Variants in CMTM4 observed in about 807,000 individuals in gnomAD.
CMTM4 encodes CKLF-like MARVEL transmembrane domain-containing protein 4.
A neutral mutation model predicts 19.0 loss-of-function variants in CMTM4; 8 were observed. The observed-to-expected ratio is 0.42, with a 90% CI of 0.25 to 0.76. The LOEUF (loss-of-function observed/expected upper bound fraction) is 0.76, where lower values mean the gene tolerates loss of function less well. CMTM4 is among the 30% of genes least tolerant of loss of function. CMTM4 has a pLI of 0.27. For synonymous variants in CMTM4, 106 were observed against 121.1 expected, an observed-to-expected ratio of 0.88 and a Z score of 0.82; for missense variants, 228 against 290.2, an observed-to-expected ratio of 0.79 and a Z score of 1.56.
At chr16:66,652,090 G>GA (rs2016321379) in intron 1 of CMTM4, among the ~76,000 whole-genome samples, 1 of 152,338 alleles carries the variant, frequency 6.6e-6, no homozygotes, top group Non-Finnish European at 1.5e-5. Context: ...CTGGCCAGCA[G>GA]GACTAATTAG....
chr16:66,658,564 G>A (rs1268528221), intron 1 of CMTM4, among the ~76,000 whole-genome samples: 1 of 152,000 alleles, frequency 6.6e-6, no homozygotes, highest in Non-Finnish European at 1.5e-5. Context: ...TTCATCCAGG[G>A]ATCCTTTCAA....
chr16:66,617,925 G>A lies in CMTM4; in HGVS notation c.*4133C>T, dbSNP rs770022954. On this transcript the variant is annotated 3_prime_UTR_variant, in exon 4 of 4. Coordinates refer to ENST00000394106, the MANE Select transcript of CMTM4 (RefSeq NM_181521.3). ...CTTTCAAAGACAAGAGGACAGGAAG[G>A]CAGTTAACAAAGTACACGTTTCCAA... 4.1e-6 allele frequency: 4 copies of A among 987,478 alleles called. No homozygotes were observed. The highest frequency in any genetic ancestry group is 4.8e-6 in the Non-Finnish European group (4 of 831,368). 61.2% of individuals were successfully genotyped at this position (987,478 alleles called of 1,614,324 possible).
intron 1 of CMTM4, among the ~76,000 whole-genome samples, chr16:66,692,079 C>A (rs2017145751): frequency 6.6e-6 from 1 of 152,016 alleles, no homozygotes; most frequent in South Asian, 2.1e-4. Context: ...GTTGCTAGCA[C>A]CTGTGTGAGG....
intron 1 of CMTM4, among the ~76,000 whole-genome samples, chr16:66,690,441 T>G (rs551553024): frequency 6.6e-6 from 1 of 152,312 alleles, no homozygotes; most frequent in South Asian, 2.1e-4. Flanking sequence ...CAGCCAGTCA[T>G]TTCTCAAAGT....
intron 2 of CMTM4, among the ~76,000 whole-genome samples, chr16:66,627,093 ACT>A (rs2015756870): frequency 6.6e-6 from 1 of 152,142 alleles, no homozygotes; most frequent in South Asian, 2.1e-4. Flanking sequence ...ACAGCGTGAG[ACT>A]CTGTCTCAAA....
chr16:66,655,574 T>C (rs560350755), intron 1 of CMTM4, among the ~76,000 whole-genome samples: 2 of 150,258 alleles, frequency 1.3e-5, no homozygotes, highest in Non-Finnish European at 3.0e-5. Context: ...TGTGTTTATA[T>C]ATGTGTATAT....
chr16:66,622,247 T>C lies in CMTM4; in HGVS notation c.463-25A>G, dbSNP rs1397238022. Reference sequence around the variant, plus strand: ...TCTAAAAACACACCAGCACAGTTAGTCCTCGGGCACGTGGCCTGGCCCCTC... The same window carrying C: ...TCTAAAAACACACCAGCACAGTTAGCCCTCGGGCACGTGGCCTGGCCCCTC... On this transcript the variant is annotated intron_variant, in intron 3 of 3. Coordinates refer to ENST00000394106, the MANE Select transcript of CMTM4 (RefSeq NM_181521.3). This position sits in a 1 kb window ranked among gnomAD's most constrained non-coding sequence, Gnocchi z 4.0. 6 of 1,610,512 alleles carry C rather than the reference T, an allele frequency of 3.7e-6. No individual in the cohort carries two copies. Among genetic ancestry groups the C allele is most frequent in the Non-Finnish European group, 4.2e-6 (5 of 1,178,524 alleles).
intron 1 of CMTM4, among the ~76,000 whole-genome samples, chr16:66,664,252 T>A (rs1029834185): frequency 8.1e-5 from 12 of 148,204 alleles, no homozygotes; most frequent in African/African-American, 9.9e-5. Flanking sequence ...AAAAAAAAAA[T>A]TTCAGATAAA....
At chr16:66,669,423 CAT>C (rs1307316555) in intron 1 of CMTM4, among the ~76,000 whole-genome samples, 1 of 148,148 alleles carries the variant, frequency 6.8e-6, no homozygotes, top group Non-Finnish European at 1.5e-5. Flanking sequence ...TGCTAAAACT[CAT>C]AGTACTGTAC....
rs1007939540 is a variant in CMTM4 at position 66,615,787 on chromosome 16, C to T, written c.*6271G>A. 1 of 152,230 alleles carries T rather than the reference C, an allele frequency of 6.6e-6. No homozygotes were observed. The highest frequency in any genetic ancestry group is 2.4e-5 in the African/African-American group (1 of 41,456). 9.4% of individuals were successfully genotyped at this position (152,230 alleles called of 1,614,324 possible). On this transcript the variant is annotated 3_prime_UTR_variant, in exon 4 of 4. Coordinates refer to ENST00000394106, the MANE Select transcript of CMTM4 (RefSeq NM_181521.3). The surrounding 1 kb of genome is among the most constrained non-coding windows in gnomAD (Gnocchi z 4.9). ...CCTCTCACCATTTTACACCCAAAGA[C>T]AGGAGGTCAGGGCTCTGATGCTACT...
chr16:66,604,893 C>T, the CMTM4 span: 4 of 1,445,800 alleles, frequency 2.8e-6, no homozygotes, highest in African/African-American at 5.9e-5. Context: ...GCTCCGCGCC[C>T]TGCTGCCGGC....
At chr16:66,646,680 CCTTA>C (rs1340792646) in intron 1 of CMTM4, among the ~76,000 whole-genome samples, 1 of 151,386 alleles carries the variant, frequency 6.6e-6, no homozygotes, top group Non-Finnish European at 1.5e-5. Flanking sequence ...AAGAACCAAT[CCTTA>C]CTTGTTTTGA....
In CMTM4 at chr16:66,617,485, T is replaced by C; in HGVS notation, c.*4573A>G. The stretch of plus-strand genomic sequence containing the variant: ...GCTTCAAGCTAAAGAGTGTACAAAA[T>C]GCCACTCACTTGCATGAAGAAGAAT... On this transcript the variant is annotated 3_prime_UTR_variant, in exon 4 of 4. Transcript: ENST00000394106. 7.0e-7 allele frequency: 1 copy of C among 1,437,996 alleles called. No individual in the cohort carries two copies. Among genetic ancestry groups the C allele is most frequent in the Non-Finnish European group, 9.1e-7 (1 of 1,099,096 alleles). The allele number at this position is 1,437,996 out of a possible 1,614,324, so 89.1% of individuals were successfully genotyped here.
intron 1 of CMTM4, among the ~76,000 whole-genome samples, chr16:66,683,709 C>G (rs561030120): frequency 6.6e-6 from 1 of 151,986 alleles, no homozygotes; most frequent in South Asian, 2.1e-4. Context: ...ATGGAGCTGA[C>G]CTTCCAGCTG....
At chr16:66,646,192 T>C (rs2016192869) in intron 1 of CMTM4, among the ~76,000 whole-genome samples, 2 of 152,136 alleles carry the variant, frequency 1.3e-5, no homozygotes, top group Admixed American at 1.3e-4. Context: ...AGCATATTTG[T>C]GTTTACAAAC....
intron 1 of CMTM4, among the ~76,000 whole-genome samples, chr16:66,656,743 A>G (rs953184622): frequency 2.0e-5 from 3 of 151,938 alleles, no homozygotes; most frequent in Non-Finnish European, 2.9e-5. Flanking sequence ...TCAAATCTAC[A>G]TCATCTGCCT....
intron 1 of CMTM4, among the ~76,000 whole-genome samples, chr16:66,692,196 T>C (rs2017148117): frequency 6.6e-6 from 1 of 152,172 alleles, no homozygotes; most frequent in Non-Finnish European, 1.5e-5. Flanking sequence ...GTTCAAGCGC[T>C]TCTCCTGCCT....
At chr16:66,669,467 TAA>T (rs35876830) in intron 1 of CMTM4, among the ~76,000 whole-genome samples, 91 of 128,742 alleles carry the variant, frequency 7.1e-4, no homozygotes, top group African/African-American at 1.5e-3. Context: ...ACATGTTAAT[TAA>T]AAAAAAAAAA....
chr16:66,610,083 TG>T (rs2015319305), downstream of CMTM4: 3 of 1,561,126 alleles, frequency 1.9e-6, no homozygotes, highest in Admixed American at 5.4e-5. The surrounding 1 kb of genome is among the most constrained non-coding windows in gnomAD (Gnocchi z 4.6). Context: ...AGTTTGAGGC[TG>T]GGGTGGGATC....
Sources: gnomAD v4.1 joint callset for allele counts (sites outside exome capture counted in the v4.1 genomes callset) on GRCh38, gnomAD v4.1.1 for gene constraint, Gnocchi (gnomAD v3.1) non-coding constraint, MANE v1.5 for transcripts, NCBI Gene and HGNC (gene_info 2026-07-23, HGNC 2026-07-21) for gene names.